ANKRD62: variants seen among roughly 807,000 people sequenced by gnomAD.
ANKRD62 encodes the protein ankyrin repeat domain 62, also known as ankyrin repeat domain-containing protein 62.
ANKRD62 carries 61 observed loss-of-function variants against 98.8 expected under a neutral mutation model. The observed-to-expected ratio is 0.62, with a 90% CI of 0.50 to 0.76. The LOEUF (loss-of-function observed/expected upper bound fraction) is 0.76, where lower values mean the gene tolerates loss of function less well. Ranked by LOEUF, ANKRD62 falls within the 30% of genes least tolerant of loss-of-function variation. The probability of loss-of-function intolerance (pLI) is 0.00; values close to 1 mark genes in which losing one functional copy is unlikely to be tolerated. For synonymous variants in ANKRD62, 341 were observed against 367.9 expected (o/e 0.93, Z 0.84); for missense variants, 933 against 1,082.9 (o/e 0.86, Z 1.94).
At chr18:12,115,684 C>T in intron 10 of ANKRD62, 150 bp downstream of exon 10, 1 of 718,810 alleles carries the variant, frequency 1.4e-6, no homozygotes, top group Non-Finnish European at 2.1e-6. Flanking sequence ...GAGAACTACT[C>T]TATCTTGTAT....
chr18:12,097,109 TATA>T (rs1909198583), intron 4 of ANKRD62, among the ~76,000 whole-genome samples: 1 of 152,162 alleles, frequency 6.6e-6, no homozygotes, highest in Non-Finnish European at 1.5e-5. Flanking sequence ...AGGATAATAA[TATA>T]TCCTTCCAGG....
At chr18:12,118,748 GT>G (rs1909722353) in intron 10 of ANKRD62, among the ~76,000 whole-genome samples, 1 of 151,924 alleles carries the variant, frequency 6.6e-6, no homozygotes, top group Non-Finnish European at 1.5e-5. Context: ...ATATTCCATT[GT>G]TTGGCTGTTT....
intron 7 of ANKRD62, among the ~76,000 whole-genome samples, chr18:12,106,158 A>G (rs542495899): frequency 3.3e-4 from 51 of 152,366 alleles, no homozygotes; most frequent in Admixed American, 9.8e-4. Flanking sequence ...ACAAATGTAT[A>G]TAGATATCTC....
the ANKRD62 span, among the ~76,000 whole-genome samples, chr18:12,140,290 A>G: frequency 0.63 from 95,046 of 151,962 alleles, 30,188 homozygotes; most frequent in Middle Eastern, 0.76. Context: ...CCATTGGTTC[A>G]AACTTCCTCC....
chr18:12,135,542 C>A, the ANKRD62 span, among the ~76,000 whole-genome samples: 3 of 151,474 alleles, frequency 2.0e-5, no homozygotes, highest in Non-Finnish European at 4.4e-5. Context: ...ATTTATCGTC[C>A]TTTGGGTATA....
intron 7 of ANKRD62, among the ~76,000 whole-genome samples, chr18:12,106,125 G>A (rs1909408190): frequency 6.6e-6 from 1 of 152,280 alleles, no homozygotes; most frequent in Non-Finnish European, 1.5e-5. Flanking sequence ...ATTTCATCAT[G>A]ACAACCTTAA....
At chr18:12,155,593 G>C in the ANKRD62 span, among the ~76,000 whole-genome samples, 2 of 152,178 alleles carry the variant, frequency 1.3e-5, no homozygotes, top group Non-Finnish European at 2.9e-5. Context: ...TGGGGGATCT[G>C]AGCCAGGCCT....
downstream of ANKRD62, among the ~76,000 whole-genome samples, chr18:12,133,888 T>C (rs536025354): frequency 1.2e-4 from 18 of 152,332 alleles, no homozygotes; most frequent in South Asian, 3.7e-3. Context: ...TATATATTAG[T>C]ATCATATTTC....
intron 5 of ANKRD62, among the ~76,000 whole-genome samples, chr18:12,098,271 A>C (rs1909225089): frequency 6.6e-6 from 1 of 152,126 alleles, no homozygotes; most frequent in Non-Finnish European, 1.5e-5. Flanking sequence ...CTCCCAGCCC[A>C]CTTGCTTCTC....
At chr18:12,139,141 A>G in the ANKRD62 span, among the ~76,000 whole-genome samples, 3 of 152,060 alleles carry the variant, frequency 2.0e-5, no homozygotes, top group East Asian at 5.8e-4. Flanking sequence ...CCTAGCCTTG[A>G]TGGTCTTTAC....
At chr18:12,154,335 A>C in the ANKRD62 span, among the ~76,000 whole-genome samples, 1 of 152,242 alleles carries the variant, frequency 6.6e-6, no homozygotes, top group African/African-American at 2.4e-5. Context: ...GCCAACAGGC[A>C]TATAAGAAAA....
At chr18:12,146,532 G>A in the ANKRD62 span, among the ~76,000 whole-genome samples, 89,469 of 149,508 alleles carry the variant, frequency 0.6, 26,764 homozygotes, top group Middle Eastern at 0.73. Context: ...CGCAACCTCC[G>A]CCTCCTGGGT....
the ANKRD62 span, among the ~76,000 whole-genome samples, chr18:12,139,707 G>A: frequency 4.0e-5 from 6 of 151,868 alleles, no homozygotes; most frequent in Non-Finnish European, 7.4e-5. Context: ...AGTTTCTGCT[G>A]AGAGATCAGC....
At chr18:12,167,488 G>A in the ANKRD62 span, among the ~76,000 whole-genome samples, 2 of 152,302 alleles carry the variant, frequency 1.3e-5, no homozygotes, top group Admixed American at 1.3e-4. Flanking sequence ...TGGCTGCATA[G>A]TATTCCATGG....
chr18:12,110,902 T>C (rs929592909), intron 8 of ANKRD62, among the ~76,000 whole-genome samples: 5 of 152,222 alleles, frequency 3.3e-5, no homozygotes, highest in Admixed American at 1.3e-4. Flanking sequence ...ACTTAAGATC[T>C]TTCTTTTTGA....
chr18:12,160,117 T>A, the ANKRD62 span, among the ~76,000 whole-genome samples: 1 of 152,222 alleles, frequency 6.6e-6, no homozygotes, highest in East Asian at 1.9e-4. Flanking sequence ...CAAATCTGCC[T>A]GTGTTCCTTT....
the ANKRD62 span, among the ~76,000 whole-genome samples, chr18:12,139,749 A>C: frequency 1.3e-5 from 2 of 152,074 alleles, no homozygotes; most frequent in East Asian, 3.9e-4. Context: ...TTTGTGGGTA[A>C]CCCGACCTTT....
the ANKRD62 span, among the ~76,000 whole-genome samples, chr18:12,137,071 C>A: frequency 1.3e-5 from 2 of 152,152 alleles, no homozygotes; most frequent in African/African-American, 4.8e-5. Flanking sequence ...CTGGCCAGAA[C>A]TTCCAACACT....
chr18:12,102,436 A>G (rs1281423740), intron 6 of ANKRD62: 2 of 479,548 alleles, frequency 4.2e-6, no homozygotes, highest in Non-Finnish European at 7.9e-6. Flanking sequence ...CTCCTTGGGC[A>G]CCGCGAAGGG....
Sources: allele counts gnomAD v4.1 joint callset (sites outside exome capture counted in the v4.1 genomes callset), GRCh38; gene constraint gnomAD v4.1.1; transcripts MANE v1.5; gene names NCBI Gene and HGNC (gene_info 2026-07-23, HGNC 2026-07-21).